The following DIABLO variants were observed in gnomAD, a reference collection of about 807,000 sequenced individuals.
The protein encoded by DIABLO is diablo IAP-binding mitochondrial protein.
Under a neutral mutation model 31.7 loss-of-function variants are expected in DIABLO, and 32 were observed. The observed-to-expected ratio is 1.01, with a 90% CI of 0.76 to 1.35. The LOEUF (loss-of-function observed/expected upper bound fraction) is 1.35, where lower values mean the gene tolerates loss of function less well. DIABLO is among the 40% of genes most tolerant of loss of function. The probability of loss-of-function intolerance (pLI) is 0.00; values close to 1 mark genes in which losing one functional copy is unlikely to be tolerated. For synonymous variants in DIABLO, 132 were observed against 103.2 expected (o/e 1.28, Z -1.69); for missense variants, 316 against 286.4 (o/e 1.10, Z -0.75).
Position 122,224,508 on chromosome 12 carries a change from G to A in DIABLO, c.183+4C>T, listed in dbSNP as rs1490632167. ...TAGATAAGAATCACTGCACACGACA[G>A]TACCTGTGCAATAGGAACCGCACAC... On this transcript the variant is annotated splice_donor_region_variant and intron_variant, in intron 2 of 5. Coordinates refer to ENST00000464942, the MANE Select transcript of DIABLO (RefSeq NM_001371333.1). 1.9e-6 allele frequency: 3 copies of A among 1,613,612 alleles called. No homozygotes were observed. The highest frequency in any genetic ancestry group is 1.7e-5 in the Admixed American group (1 of 59,900).
chr12:122,209,662 C>T (rs1444988685), intron 5 of DIABLO: 1 of 682,204 alleles, frequency 1.5e-6, no homozygotes, highest in Non-Finnish European at 2.7e-6. Flanking sequence ...AACTCGTCTC[C>T]CCCCCAAAAA....
At chr12:122,226,798 A>G (rs1954489257), upstream of DIABLO, 4 of 530,560 alleles carry the variant, frequency 7.5e-6, no homozygotes, top group Non-Finnish European at 1.3e-5. Flanking sequence ...CTGAGGAGGC[A>G]GAAGCCCGGC....
chr12:122,208,966 T>C, intron 5 of DIABLO: 2 of 358,822 alleles, frequency 5.6e-6, no homozygotes, highest in South Asian at 4.4e-5. Flanking sequence ...CCTTGACTAA[T>C]CTTTAAAGGT....
chr12:122,226,084 G>C (rs1288242851), upstream of DIABLO: 4 of 1,553,216 alleles, frequency 2.6e-6, no homozygotes, highest in Non-Finnish European at 3.5e-6. Context: ...AGCGGGGCAC[G>C]GCCTCCACCT....
intron 5 of DIABLO, among the ~76,000 whole-genome samples, chr12:122,213,137 C>T (rs1037859613): frequency 2.0e-5 from 3 of 152,080 alleles, no homozygotes; most frequent in Non-Finnish European, 2.9e-5. Context: ...TGGTCTCGAA[C>T]TCCTGAGCTC....
intron 2 of DIABLO, among the ~76,000 whole-genome samples, chr12:122,222,823 T>A (rs1384081354): frequency 1.3e-5 from 2 of 152,236 alleles, no homozygotes; most frequent in East Asian, 3.9e-4. Context: ...ACTGCTGATC[T>A]GCCCAGAGGC....
In DIABLO at chr12:122,225,989, G is replaced by A. The variant is rs769582458; in HGVS notation, c.26C>T (p.Ser9Leu). 14 of 1,602,792 alleles carry A rather than the reference G, an allele frequency of 8.7e-6. No homozygotes were observed. The highest frequency in any genetic ancestry group is 4.0e-5 in the African/African-American group (3 of 74,712). ...CCTGAAGAATGAAGTTACGCTGCGCGACAGCCAACTCTTCAGAGCCGCCAT... is the reference window on the plus strand; with the variant it reads ...CCTGAAGAATGAAGTTACGCTGCGCAACAGCCAACTCTTCAGAGCCGCCAT... MAALKSWL[S>L]RSVTSFFRYR... The change falls in exon 1 of 6, where the codon TCG (serine) becomes TTG (leucine). Residue 9 changes from serine (S) to leucine (L), a missense_variant. Physicochemically the swap from Ser to Leu is moderately radical, Grantham distance 145. Coordinates refer to ENST00000464942, the MANE Select transcript of DIABLO (RefSeq NM_001371333.1).
Position 122,208,326 on chromosome 12 carries a change from C to T in DIABLO, c.*55G>A. ...GTCATGCCAACCCTGGGCAGGGTGG[C>T]ATCTGCCCCTGCTTTCCCCACTGAG... On this transcript the variant is annotated 3_prime_UTR_variant, in exon 6 of 6. Coordinates refer to ENST00000464942, the MANE Select transcript of DIABLO (RefSeq NM_001371333.1). The T allele has an allele frequency of 6.3e-7, 1 of 1,591,424 alleles. No individual in the cohort carries two copies. The highest frequency in any genetic ancestry group is 8.6e-7 in the Non-Finnish European group (1 of 1,165,822).
intron 2 of DIABLO, chr12:122,220,669 C>CAAAACAAAACA (rs1555244855): frequency 4.6e-5 from 7 of 151,918 alleles, no homozygotes; most frequent in African/African-American, 1.7e-4. Flanking sequence ...CAAAACAAAA[C>CAAAACAAAACA]AAAACAAAAA....
intron 1 of DIABLO, chr12:122,224,929 C>G (rs912579784): frequency 3.1e-6 from 3 of 980,550 alleles, no homozygotes; most frequent in Admixed American, 3.1e-5. Flanking sequence ...GGCAACATGG[C>G]TGGCAACATG....
Position 122,208,067 on chromosome 12 carries a change from AAAAG to A in DIABLO, c.*310_*313del, listed in dbSNP as rs1182435803. The stretch of plus-strand genomic sequence containing the variant: ...AGTTGCTGAACTTAAGGGCATGACA[AAAAG>A]GACTCCTCTCTCTGACCCAGGTAGG... On this transcript the variant is annotated 3_prime_UTR_variant, in exon 6 of 6. Coordinates refer to ENST00000464942, the MANE Select transcript of DIABLO (RefSeq NM_001371333.1). 1 of 585,740 alleles carries A rather than the reference AAAAG, an allele frequency of 1.7e-6. No individual in the cohort carries two copies. Among genetic ancestry groups the A allele is most frequent in the Non-Finnish European group, 3.2e-6 (1 of 312,462 alleles). 36.3% of individuals were successfully genotyped at this position (585,740 alleles called of 1,614,324 possible).
chr12:122,220,394 C>T (rs937987816), intron 2 of DIABLO: 1 of 152,324 alleles, frequency 6.6e-6, no homozygotes, highest in African/African-American at 2.4e-5. Context: ...CACTCTTACA[C>T]CTGTAATCCC....
chr12:122,224,453 C>CT, intron 2 of DIABLO, 59 bp downstream of exon 2: 1 of 1,613,174 alleles, frequency 6.2e-7, no homozygotes. Context: ...CTTCACCGCC[C>CT]ACTTGAGACT....
upstream of DIABLO, chr12:122,226,625 G>C (rs1438845685): frequency 1.5e-6 from 1 of 675,252 alleles, no homozygotes; most frequent in Admixed American, 2.1e-5. Context: ...GTCCCAGAGG[G>C]GCGGACGGGA....
intron 3 of DIABLO, chr12:122,217,484 C>T (rs911416767): frequency 1.2e-4 from 18 of 155,208 alleles, no homozygotes; most frequent in African/African-American, 4.1e-4. Flanking sequence ...CACTGCACTC[C>T]AGCCTGCGTA....
rs1250307913 is a variant in DIABLO at position 122,224,559 on chromosome 12, C to G, written c.136G>C (p.Val46Leu). ...SELIRPWHKT[V>L]TIGFGVTLCA... ...AGGGTTACTCCAAAGCCAATCGTCACAGTTTTGTGCCATGGTCTTATCAAT... is the reference window on the plus strand; with the variant it reads ...AGGGTTACTCCAAAGCCAATCGTCAGAGTTTTGTGCCATGGTCTTATCAAT... Residue 46 changes from valine to leucine, a missense_variant, in exon 2 of 6, where the codon GTG becomes CTG. Coordinates refer to ENST00000464942, the MANE Select transcript of DIABLO (RefSeq NM_001371333.1). 6.2e-7 allele frequency: 1 copy of G among 1,613,856 alleles called. No individual in the cohort carries two copies. The highest frequency in any genetic ancestry group is 8.5e-7 in the Non-Finnish European group (1 of 1,180,020).
intron 3 of DIABLO, among the ~76,000 whole-genome samples, chr12:122,217,979 TAAA>T (rs35010821): frequency 2.1e-5 from 3 of 140,354 alleles, no homozygotes. Flanking sequence ...GATTTTTCTG[TAAA>T]AAAAAAAAAA....
chr12:122,225,498 TTG>T (rs1377766718), intron 1 of DIABLO: 1 of 1,032,586 alleles, frequency 9.7e-7, no homozygotes, highest in Non-Finnish European at 1.2e-6. Flanking sequence ...TGGGTGCCAG[TTG>T]TGTGTGACGG....
At position 122,216,776 on chromosome 12, in the gene DIABLO, T is replaced by C. The variant is rs771868678; in HGVS notation, c.409A>G (p.Ile137Val). 3.1e-6 allele frequency: 5 copies of C among 1,614,210 alleles called. No individual in the cohort carries two copies. Among genetic ancestry groups the C allele is most frequent in the Non-Finnish European group, 4.2e-6 (5 of 1,180,030 alleles). The stretch of plus-strand genomic sequence containing the variant: ...CTGCTTACCTCAGCTCTGGCTCCTA[T>C]GATCACCTGCCACACTTCATCTTCC... ...EEEDEVWQVIIGARAEMTSKH... is the reference protein window; with the variant it reads ...EEEDEVWQVIVGARAEMTSKH... The change falls in exon 4 of 6, where the codon ATA becomes GTA. Residue 137 changes from isoleucine to valine, a missense_variant. Coordinates refer to ENST00000464942, the MANE Select transcript of DIABLO (RefSeq NM_001371333.1).
Sources: allele counts gnomAD v4.1 joint callset (sites outside exome capture counted in the v4.1 genomes callset), GRCh38; gene constraint gnomAD v4.1.1; transcripts MANE v1.5; gene names NCBI Gene and HGNC (gene_info 2026-07-23, HGNC 2026-07-21).